Variants in ARHGAP12 observed in about 807,000 individuals in gnomAD.
The protein encoded by ARHGAP12 is Rho GTPase activating protein 12, also known as rho GTPase-activating protein 12.
Under a neutral mutation model 108.6 loss-of-function variants are expected in ARHGAP12, and 64 were observed. The ratio of observed to expected loss-of-function variants is 0.59; its 90% CI spans 0.48 to 0.73. The LOEUF is 0.73. Ranked by LOEUF, ARHGAP12 falls within the 30% of genes least tolerant of loss-of-function variation. The pLI, the probability that ARHGAP12 is intolerant of heterozygous loss-of-function variation, is 0.00. For missense variants in ARHGAP12, 940 were observed against 1,005.9 expected (o/e 0.93, Z 0.89); for synonymous variants, 312 against 337.2 (o/e 0.93, Z 0.82).
chr10:31,909,404 C>T (rs1316485511), intron 2 of ARHGAP12, among the ~76,000 whole-genome samples: 1 of 152,190 alleles, frequency 6.6e-6, no homozygotes, highest in East Asian at 1.9e-4. Flanking sequence ...ACTGCATCCT[C>T]ACATCACTAC....
At chr10:31,850,818 C>T (rs1300289807) in intron 6 of ARHGAP12, among the ~76,000 whole-genome samples, 1 of 152,124 alleles carries the variant, frequency 6.6e-6, no homozygotes, top group Non-Finnish European at 1.5e-5. Context: ...CTTGGCACAA[C>T]TTCAAAGTTT....
At chr10:31,827,995 A>G (rs974075170) in intron 10 of ARHGAP12, among the ~76,000 whole-genome samples, 5 of 152,130 alleles carry the variant, frequency 3.3e-5, no homozygotes, top group African/African-American at 1.2e-4. Flanking sequence ...CTAAGTTTCT[A>G]TGTTTCCATT....
chr10:31,845,936 G>A (rs1836446152), intron 6 of ARHGAP12, among the ~76,000 whole-genome samples: 1 of 152,074 alleles, frequency 6.6e-6, no homozygotes, highest in Non-Finnish European at 1.5e-5. Context: ...ATTTAAGTCT[G>A]GCATTTTATC....
At chr10:31,847,200 T>A (rs1210148584) in intron 6 of ARHGAP12, among the ~76,000 whole-genome samples, 1 of 152,190 alleles carries the variant, frequency 6.6e-6, no homozygotes, top group Admixed American at 6.5e-5. Flanking sequence ...TTCATCCCTG[T>A]CATCTTGGTG....
chr10:31,875,963 T>C (rs147573747), intron 3 of ARHGAP12, among the ~76,000 whole-genome samples: 105 of 152,362 alleles, frequency 6.9e-4, no homozygotes, highest in African/African-American at 2.4e-3. Flanking sequence ...TCACTTAGCA[T>C]GTGTCAGAAT....
chr10:31,880,442 C>A (rs1358665437), intron 3 of ARHGAP12, among the ~76,000 whole-genome samples: 2 of 151,752 alleles, frequency 1.3e-5, no homozygotes, highest in Non-Finnish European at 2.9e-5. Context: ...AACCCCATCT[C>A]TATAGAAAAA....
At chr10:31,844,574 C>A (rs539275039) in intron 6 of ARHGAP12, among the ~76,000 whole-genome samples, 44 of 152,234 alleles carry the variant, frequency 2.9e-4, no homozygotes, top group African/African-American at 1.1e-3. Flanking sequence ...TCTCTGGTCA[C>A]CCAGGCTGGA....
intron 13 of ARHGAP12, 59 bp from the exon 14 acceptor site, chr10:31,814,420 T>A: frequency 1.5e-6 from 2 of 1,355,142 alleles, no homozygotes; most frequent in South Asian, 1.2e-5. Flanking sequence ...ATAGTTGGAA[T>A]GGCATAATTC....
At position 31,812,769 on chromosome 10, in the gene ARHGAP12, A is replaced by G. The variant is rs1835068118; in HGVS notation, c.1889T>C (p.Leu630Ser). 1 of 1,609,184 alleles carries G rather than the reference A, an allele frequency of 6.2e-7. No homozygotes were observed. Among genetic ancestry groups the G allele is most frequent in the Admixed American group, 1.7e-5 (1 of 59,770 alleles). ...SSEQKKTKKN[L>S]KKFLTRRPTL... ...GGGGCGTCGTGTAAGAAACTTCTTTAAGTTTTTCTTGGTTTTTTTCTGTTC... is the reference window on the plus strand; with the variant it reads ...GGGGCGTCGTGTAAGAAACTTCTTTGAGTTTTTCTTGGTTTTTTTCTGTTC... Residue 630 changes from leucine (L) to serine (S), a missense_variant, in exon 15 of 20, where the codon TTA (leucine) becomes TCA (serine). By Grantham distance (145) the Leu-to-Ser change is moderately radical (BLOSUM62 -2). Transcript: ENST00000344936.
At chr10:31,892,409 G>A (rs1259529614) in intron 3 of ARHGAP12, among the ~76,000 whole-genome samples, 1 of 152,102 alleles carries the variant, frequency 6.6e-6, no homozygotes, top group African/African-American at 2.4e-5. Flanking sequence ...TAAAGGGATG[G>A]AGGAAGATCT....
intron 3 of ARHGAP12, among the ~76,000 whole-genome samples, chr10:31,875,636 T>G (rs1357687011): frequency 3.9e-5 from 6 of 152,210 alleles, no homozygotes; most frequent in Non-Finnish European, 8.8e-5. Flanking sequence ...CTAGACACTA[T>G]TCATTCCCAG....
intron 3 of ARHGAP12, among the ~76,000 whole-genome samples, chr10:31,874,735 C>T (rs560871738): frequency 1.0e-3 from 156 of 151,910 alleles, no homozygotes; most frequent in African/African-American, 3.4e-3. Flanking sequence ...GCACTTTGGG[C>T]GGCCGAGGCG....
At chr10:31,882,184 A>G (rs1205085589) in intron 3 of ARHGAP12, among the ~76,000 whole-genome samples, 1 of 152,172 alleles carries the variant, frequency 6.6e-6, no homozygotes, top group Non-Finnish European at 1.5e-5. Flanking sequence ...AAAGTGCTAG[A>G]TGTTTTTATA....
At chr10:31,920,886 A>C (rs1839779473) in intron 1 of ARHGAP12, among the ~76,000 whole-genome samples, 1 of 152,190 alleles carries the variant, frequency 6.6e-6, no homozygotes, top group Non-Finnish European at 1.5e-5. Context: ...CTCCAATCAC[A>C]ATAAAATTAA....
chr10:31,891,289 A>T (rs1044151658), intron 3 of ARHGAP12, among the ~76,000 whole-genome samples: 1 of 152,324 alleles, frequency 6.6e-6, no homozygotes, highest in East Asian at 1.9e-4. Context: ...AAAAGCTAGT[A>T]TATCTCTCAG....
chr10:31,810,724 C>A lies in ARHGAP12; in HGVS notation c.1975G>T (p.Ala659Ser), dbSNP rs771905977. The change falls in exon 16 of 20, where the codon GCT becomes TCT. Residue 659 changes from alanine to serine, a missense_variant. Coordinates refer to ENST00000344936, the MANE Select transcript of ARHGAP12 (RefSeq NM_018287.7). Reference protein sequence around the residue: ...IKDQVFGSNLANLCQRENGTV... With the variant: ...IKDQVFGSNLSNLCQRENGTV... ...CCATTCTCTCTCTGACACAGATTAG[C>A]GAGATTGGATCCAAATACCTGATCT... The A allele has an allele frequency of 6.2e-7, 1 of 1,609,606 alleles. No homozygotes were observed. Among genetic ancestry groups the A allele is most frequent in the Non-Finnish European group, 8.5e-7 (1 of 1,177,980 alleles).
chr10:31,878,381 C>T (rs934439549), intron 3 of ARHGAP12, among the ~76,000 whole-genome samples: 1 of 152,162 alleles, frequency 6.6e-6, no homozygotes, highest in African/African-American at 2.4e-5. Flanking sequence ...AACTCCTAAA[C>T]CTACTTCAAT....
At chr10:31,808,902 T>C (rs1446274625) in intron 18 of ARHGAP12, 92 bp downstream of exon 18, 4 of 1,396,056 alleles carry the variant, frequency 2.9e-6, no homozygotes, top group Non-Finnish European at 9.8e-7. Flanking sequence ...TTGAAAATAC[T>C]TGCTTAAAGT....
intron 4 of ARHGAP12, among the ~76,000 whole-genome samples, chr10:31,860,847 G>C (rs1837086265): frequency 6.6e-6 from 1 of 152,180 alleles, no homozygotes; most frequent in Non-Finnish European, 1.5e-5. Flanking sequence ...TTGGGAGGCT[G>C]AGACAGGGGG....
Sources: gnomAD v4.1 joint callset for allele counts (sites outside exome capture counted in the v4.1 genomes callset) on GRCh38, gnomAD v4.1.1 for gene constraint, MANE v1.5 for transcripts, NCBI Gene and HGNC (gene_info 2026-07-23, HGNC 2026-07-21) for gene names.